MGAT4C: variants seen among roughly 807,000 people sequenced by gnomAD.
The protein encoded by MGAT4C is MGAT4 family member C, also known as alpha-1,3-mannosyl-glycoprotein 4-beta-N-acetylglucosaminyltransferase C.
In MGAT4C, 19 loss-of-function variants were observed where a neutral mutation model predicts 40.1. The ratio of observed to expected loss-of-function variants is 0.47; its 90% confidence interval spans 0.33 to 0.70. MGAT4C has a LOEUF of 0.70. Among genes scored for constraint, MGAT4C ranks in the 30% least tolerant of loss-of-function variants. MGAT4C has a pLI of 0.02. For missense variants in MGAT4C, 491 were observed against 563.2 expected (o/e 0.87, Z 1.30); for synonymous variants, 181 against 187.1 (o/e 0.97, Z 0.27).
chr12:86,699,084 C>A (rs1173097860), intron 2 of MGAT4C, among the ~76,000 whole-genome samples: 2 of 152,064 alleles, frequency 1.3e-5, no homozygotes, highest in African/African-American at 4.8e-5. Flanking sequence ...CATTCTTCAT[C>A]ATTAAATAGG....
chr12:86,308,541 A>T (rs1051369780), intron 4 of MGAT4C, among the ~76,000 whole-genome samples: 1 of 150,626 alleles, frequency 6.6e-6, no homozygotes, highest in African/African-American at 2.5e-5. Context: ...TTAGGCATTT[A>T]TTTGATTGTT....
intron 3 of MGAT4C, among the ~76,000 whole-genome samples, chr12:85,984,945 A>T (rs1241457134): frequency 2.0e-5 from 3 of 151,974 alleles, no homozygotes; most frequent in African/African-American, 7.3e-5. Context: ...TGCCCAGCTA[A>T]TTTTAGTATT....
intron 1 of MGAT4C, among the ~76,000 whole-genome samples, chr12:86,200,182 G>T (rs374461925): frequency 4.4e-4 from 22 of 50,564 alleles, no homozygotes; most frequent in African/African-American, 8.3e-4. Flanking sequence ...TCTGGCTTTT[G>T]TTTTTTTTTG....
intron 4 of MGAT4C, among the ~76,000 whole-genome samples, chr12:86,302,268 A>C (rs766007852): frequency 6.6e-6 from 1 of 150,880 alleles, no homozygotes. Flanking sequence ...AAAACAGTTG[A>C]AATTTTTAAA....
intron 2 of MGAT4C, among the ~76,000 whole-genome samples, chr12:86,712,026 A>G (rs975282770): frequency 1.3e-5 from 2 of 152,102 alleles, no homozygotes; most frequent in African/African-American, 4.8e-5. Context: ...GCTGGTGATG[A>G]TTTCTTATGT....
chr12:86,304,868 A>G (rs1953896876), intron 4 of MGAT4C, among the ~76,000 whole-genome samples: 1 of 150,622 alleles, frequency 6.6e-6, no homozygotes, highest in Admixed American at 6.6e-5. Context: ...GCAAACCACC[A>G]GTAGCTGGGA....
At chr12:86,370,836 T>G (rs1358584140) in intron 3 of MGAT4C, among the ~76,000 whole-genome samples, 1 of 152,024 alleles carries the variant, frequency 6.6e-6, no homozygotes, top group Admixed American at 6.6e-5. Context: ...AATACTAAGC[T>G]AAGCACTAGA....
intron 4 of MGAT4C, among the ~76,000 whole-genome samples, chr12:86,331,946 C>G (rs576996001): frequency 2.0e-5 from 3 of 152,214 alleles, no homozygotes; most frequent in African/African-American, 7.2e-5. Context: ...CCTAATTATG[C>G]TTTAATTCAT....
At chr12:86,420,078 A>G (rs532938490) in intron 3 of MGAT4C, among the ~76,000 whole-genome samples, 83 of 151,892 alleles carry the variant, frequency 5.5e-4, no homozygotes, top group African/African-American at 2.0e-3. Flanking sequence ...GTAGACTTGG[A>G]AAAAAATGCA....
chr12:86,774,451 A>G (rs1220491272), intron 1 of MGAT4C, among the ~76,000 whole-genome samples: 1 of 146,012 alleles, frequency 6.8e-6, no homozygotes, highest in Admixed American at 7.0e-5. Context: ...TTAGCCATGC[A>G]CCTAAACATA....
In MGAT4C at chr12:86,771,883, A is replaced by C. The variant is rs1304057161; in HGVS notation, c.-261-44642T>G. ...GTTCTAGTGTTTTGTGGAAAATAGAACTTTTATAAATTTGGATATTTAGCT... is the reference window on the plus strand; with the variant it reads ...GTTCTAGTGTTTTGTGGAAAATAGACCTTTTATAAATTTGGATATTTAGCT... On this transcript the variant is annotated intron_variant, in intron 1 of 7. Transcript: ENST00000548651. Among the ~76,000 whole-genome samples the C allele has an allele frequency of 2.6e-5, 4 of 152,068 alleles. No homozygotes were observed. In the East Asian group the frequency reaches 7.7e-4, roughly 29 times the overall value.
At chr12:86,808,529 C>T (rs1952407423) in intron 1 of MGAT4C, among the ~76,000 whole-genome samples, 1 of 151,950 alleles carries the variant, frequency 6.6e-6, no homozygotes, top group Non-Finnish European at 1.5e-5. Context: ...AGACAAGAAA[C>T]ACATGGTTAT....
intron 2 of MGAT4C, among the ~76,000 whole-genome samples, chr12:86,545,593 T>G (rs934946941): frequency 2.0e-5 from 3 of 152,000 alleles, no homozygotes; most frequent in Non-Finnish European, 2.9e-5. Flanking sequence ...ATTATGATTT[T>G]CAATTACCAT....
intron 2 of MGAT4C, among the ~76,000 whole-genome samples, chr12:86,034,502 T>A (rs1266711750): frequency 6.7e-6 from 1 of 149,456 alleles, no homozygotes; most frequent in Admixed American, 6.7e-5. Flanking sequence ...ATTGACCAAT[T>A]TTTTTTCCAG....
At chr12:85,986,774 T>G (rs1246338995) in intron 3 of MGAT4C, among the ~76,000 whole-genome samples, 1 of 151,998 alleles carries the variant, frequency 6.6e-6, no homozygotes, top group African/African-American at 2.4e-5. Context: ...ATAATTTTAT[T>G]AAAAAAGAAA....
In MGAT4C at chr12:86,023,621, T is replaced by C. The variant is rs563607590; in HGVS notation, c.-7+26053A>G. Among the ~76,000 whole-genome samples the C allele has an allele frequency of 1.6e-3, 238 of 148,836 alleles. 2 individuals carry two copies. The highest frequency in any genetic ancestry group is 4.8e-3 in the African/African-American group (196 of 41,038). On this transcript the variant is annotated intron_variant, in intron 2 of 4. Transcript: ENST00000611864. ...AAATACTTACGTAATCATATGTTTATATTTTACAAATATTTATTATTATAT... is the reference window on the plus strand; with the variant it reads ...AAATACTTACGTAATCATATGTTTACATTTTACAAATATTTATTATTATAT...
At chr12:86,766,157 A>T (rs1481928681) in intron 1 of MGAT4C, among the ~76,000 whole-genome samples, 1 of 152,142 alleles carries the variant, frequency 6.6e-6, no homozygotes, top group Admixed American at 6.5e-5. Flanking sequence ...GGCTCAAAAT[A>T]AAAGGATGGA....
intron 4 of MGAT4C, among the ~76,000 whole-genome samples, chr12:86,296,401 C>T (rs1261568265): frequency 8.7e-5 from 3 of 34,656 alleles, no homozygotes; most frequent in South Asian, 1.5e-3. Context: ...GCCATGCGCT[C>T]GCACTCCTCA....
intron 3 of MGAT4C, among the ~76,000 whole-genome samples, chr12:86,433,272 CTATA>C (rs1476872280): frequency 6.6e-6 from 1 of 151,392 alleles, no homozygotes; most frequent in Non-Finnish European, 1.5e-5. Context: ...ATATTTATAA[CTATA>C]TATATAAAAT....
Sources: gnomAD v4.1 joint callset for allele counts (sites outside exome capture counted in the v4.1 genomes callset) on GRCh38, gnomAD v4.1.1 for gene constraint, MANE v1.5 for transcripts, NCBI Gene and HGNC (gene_info 2026-07-23, HGNC 2026-07-21) for gene names.